The following SHTN1 variants were observed in gnomAD, a reference collection of about 807,000 sequenced individuals.
The protein encoded by SHTN1 is shootin-1.
A neutral mutation model predicts 83.1 loss-of-function variants in SHTN1; 42 were observed. The observed-to-expected ratio is 0.51, with a 90% CI of 0.39 to 0.65. The LOEUF (loss-of-function observed/expected upper bound fraction) is 0.65. Among genes scored for constraint, SHTN1 ranks in the 30% least tolerant of loss-of-function variants. The pLI is 0.00. For synonymous variants in SHTN1, 224 were observed against 247.7 expected (o/e 0.90, Z 0.90); for missense variants, 622 against 737.8 (o/e 0.84, Z 1.82).
At chr10:116,953,171 A>G (rs958227599) in intron 5 of SHTN1, among the ~76,000 whole-genome samples, 2 of 152,230 alleles carry the variant, frequency 1.3e-5, no homozygotes, top group South Asian at 4.1e-4. Context: ...AAATGTTCCA[A>G]TAGTTACTGA....
chr10:116,930,024 AAG>A, intron 9 of SHTN1, 22 bp from the exon 10 acceptor site: 1 of 1,496,250 alleles, frequency 6.7e-7, no homozygotes, highest in Non-Finnish European at 9.0e-7. Flanking sequence ...TTAAAAAAAA[AAG>A]ACTTTTATGG....
At chr10:116,941,629 G>T (rs1849375976) in intron 8 of SHTN1, among the ~76,000 whole-genome samples, 1 of 152,144 alleles carries the variant, frequency 6.6e-6, no homozygotes, top group Non-Finnish European at 1.5e-5. Flanking sequence ...AAAATGATTT[G>T]CTAAAGCCCT....
At position 116,937,354 on chromosome 10, in the gene SHTN1, C is replaced by A. The variant is rs186635177; in HGVS notation, c.858+3112G>T. Among the ~76,000 whole-genome samples the A allele has an allele frequency of 1.2e-3, 188 of 152,302 alleles. 1 individual carries two copies. Among genetic ancestry groups the A allele is most frequent in the African/African-American group, 4.2e-3 (176 of 41,574 alleles). On this transcript the variant is annotated intron_variant, in intron 9 of 16. Transcript: ENST00000355371. ...CTTCAGGAACTCTTAAAAGGCAGGG[C>A]TGGCGGTGACAAAATCTCTCGGCAT...
chr10:116,997,629 C>T (rs922787848), intron 1 of SHTN1, among the ~76,000 whole-genome samples: 3 of 152,148 alleles, frequency 2.0e-5, no homozygotes, highest in East Asian at 1.9e-4. Context: ...AGAGGTAAAA[C>T]GCCAATTCAT....
chr10:117,106,992 C>T (rs1853679099), intron 1 of SHTN1, among the ~76,000 whole-genome samples: 1 of 152,122 alleles, frequency 6.6e-6, no homozygotes, highest in Non-Finnish European at 1.5e-5. Context: ...TAAAACACTA[C>T]CTGACACATA....
chr10:116,967,800 T>C (rs1377164627), intron 3 of SHTN1, among the ~76,000 whole-genome samples: 1 of 152,204 alleles, frequency 6.6e-6, no homozygotes, highest in Non-Finnish European at 1.5e-5. Context: ...TTATTTATAA[T>C]AGCTAAAAAC....
At chr10:116,978,051 T>C (rs1850873027) in intron 2 of SHTN1, among the ~76,000 whole-genome samples, 1 of 152,046 alleles carries the variant, frequency 6.6e-6, no homozygotes, top group South Asian at 2.1e-4. Context: ...AGAAGAAACT[T>C]AGGATTTCAC....
At chr10:116,948,301 C>T (rs1589833268) in intron 7 of SHTN1, among the ~76,000 whole-genome samples, 1 of 152,138 alleles carries the variant, frequency 6.6e-6, no homozygotes, top group Non-Finnish European at 1.5e-5. Flanking sequence ...TTCCCTCTCA[C>T]CAGGAGAGCA....
intron 1 of SHTN1, among the ~76,000 whole-genome samples, chr10:117,060,400 G>A (rs955816994): frequency 1.3e-5 from 2 of 152,082 alleles, no homozygotes; most frequent in African/African-American, 4.8e-5. Flanking sequence ...GAAGCTCTTT[G>A]TGGGTCTTCA....
intron 1 of SHTN1, among the ~76,000 whole-genome samples, chr10:116,991,502 A>G (rs1851434731): frequency 6.6e-6 from 1 of 152,206 alleles, no homozygotes; most frequent in African/African-American, 2.4e-5. Flanking sequence ...GAGAGAGGAA[A>G]GCAGGAGAGA....
intron 1 of SHTN1, among the ~76,000 whole-genome samples, chr10:117,055,812 G>A (rs1852818762): frequency 6.6e-6 from 1 of 152,204 alleles, no homozygotes; most frequent in Admixed American, 6.5e-5. Flanking sequence ...AGACTGCAGA[G>A]AGCTGTGGTC....
Position 116,954,229 on chromosome 10 carries a change from A to C in SHTN1, c.268-19T>G, listed in dbSNP as rs765685959. On this transcript the variant is annotated intron_variant, in intron 4 of 16. Coordinates refer to ENST00000355371, the MANE Select transcript of SHTN1 (RefSeq NM_001127211.3). ...TATTTAGCTAAGACAAAATATAAAA[A>C]CAGTTATTTTAAAAGCAGCCAAATG... The C allele has an allele frequency of 6.5e-7, 1 of 1,538,244 alleles. No individual in the cohort carries two copies. Among genetic ancestry groups the C allele is most frequent in the Non-Finnish European group, 8.8e-7 (1 of 1,135,550 alleles).
At chr10:117,064,915 C>A (rs1478792249) in intron 1 of SHTN1, among the ~76,000 whole-genome samples, 1 of 152,142 alleles carries the variant, frequency 6.6e-6, no homozygotes, top group Non-Finnish European at 1.5e-5. Context: ...AGGTTTCTTT[C>A]GGGAGGCTCT....
At chr10:116,955,436 G>C (rs1334678638) in intron 4 of SHTN1, among the ~76,000 whole-genome samples, 2 of 152,048 alleles carry the variant, frequency 1.3e-5, no homozygotes, top group African/African-American at 4.8e-5. Context: ...TCCTTTACTA[G>C]AGCCCTTGAC....
intron 2 of SHTN1, among the ~76,000 whole-genome samples, chr10:117,019,972 A>G (rs1564932668): frequency 1.3e-5 from 2 of 152,222 alleles, no homozygotes; most frequent in East Asian, 1.9e-4. Context: ...TGCCAAATTC[A>G]TCTACAGACG....
chr10:116,942,375 G>C (rs1849410782), intron 8 of SHTN1, among the ~76,000 whole-genome samples: 1 of 151,992 alleles, frequency 6.6e-6, no homozygotes, highest in Non-Finnish European at 1.5e-5. Context: ...ACCATGCCTG[G>C]CTAATCTGTG....
rs540474097 is a variant in SHTN1 at position 116,954,191 on chromosome 10, G to A, written c.287C>T (p.Thr96Met). ...GTACAACATGCTGATTCTTTTCAACGTTTTATTTTCTTTATTTAGCTAAGA... is the reference window on the plus strand; with the variant it reads ...GTACAACATGCTGATTCTTTTCAACATTTTATTTTCTTTATTTAGCTAAGA... ...LATKLNKENK[T>M]LKRISMLYMA... The change falls in exon 5 of 17, where the codon ACG (threonine) becomes ATG (methionine). Residue 96 changes from threonine to methionine, a missense_variant. Coordinates refer to ENST00000355371, the MANE Select transcript of SHTN1 (RefSeq NM_001127211.3). 32 of 1,604,734 alleles carry A rather than the reference G, an allele frequency of 2.0e-5. No individual in the cohort carries two copies. The South Asian group carries it at 2.5e-4, about 12-fold the overall frequency.
chr10:117,059,233 C>T (rs1462813132), intron 1 of SHTN1, among the ~76,000 whole-genome samples: 1 of 152,084 alleles, frequency 6.6e-6, no homozygotes, highest in Non-Finnish European at 1.5e-5. Flanking sequence ...TATAGAGAAA[C>T]TGAATCACTC....
At chr10:117,051,486 C>T (rs774298002) in intron 1 of SHTN1, among the ~76,000 whole-genome samples, 1 of 152,068 alleles carries the variant, frequency 6.6e-6, no homozygotes, top group Non-Finnish European at 1.5e-5. Flanking sequence ...ACCAATATCC[C>T]TTATGAACAC....
Sources: gnomAD v4.1 joint callset for allele counts (sites outside exome capture counted in the v4.1 genomes callset) on GRCh38, gnomAD v4.1.1 for gene constraint, MANE v1.5 for transcripts, NCBI Gene and HGNC (gene_info 2026-07-23, HGNC 2026-07-21) for gene names.